TENT4B: variants seen among roughly 807,000 people sequenced by gnomAD.
TENT4B encodes terminal nucleotidyltransferase 4B.
TENT4B carries 10 observed loss-of-function variants against 75.0 expected under a neutral mutation model. The ratio of observed to expected loss-of-function variants is 0.13; its 90% CI spans 0.08 to 0.23. TENT4B has a LOEUF of 0.23. TENT4B is among the 10% of genes least tolerant of loss of function. The pLI, the probability that TENT4B is intolerant of heterozygous loss-of-function variation, is 1.00. For missense variants in TENT4B, 579 were observed against 893.8 expected (o/e 0.65, Z 4.49); for synonymous variants, 350 against 357.7 (o/e 0.98, Z 0.24).
chr16:50,192,336 G>C (rs904692485), intron 1 of TENT4B, among the ~76,000 whole-genome samples: 1 of 152,122 alleles, frequency 6.6e-6, no homozygotes, highest in Admixed American at 6.5e-5. Context: ...GACATGAACT[G>C]GGATGAGATC....
At chr16:50,226,618 C>G (rs1168892181) in intron 10 of TENT4B, among the ~76,000 whole-genome samples, 1 of 151,734 alleles carries the variant, frequency 6.6e-6, no homozygotes, top group Non-Finnish European at 1.5e-5. Context: ...TTAGTAGAGC[C>G]AGGGTTTCAC....
chr16:50,187,688 T>G (rs1194460264), intron 1 of TENT4B, among the ~76,000 whole-genome samples: 1 of 152,194 alleles, frequency 6.6e-6, no homozygotes, highest in Non-Finnish European at 1.5e-5. Context: ...GTGAATGGTC[T>G]TGGTACCCTA....
At chr16:50,163,020 A>G (rs987683026) in intron 1 of TENT4B, among the ~76,000 whole-genome samples, 1 of 152,182 alleles carries the variant, frequency 6.6e-6, no homozygotes, top group Non-Finnish European at 1.5e-5. Flanking sequence ...AATCTATCCT[A>G]GAATAAATTG....
intron 1 of TENT4B, among the ~76,000 whole-genome samples, chr16:50,170,448 C>T (rs965127400): frequency 2.6e-5 from 4 of 152,122 alleles, no homozygotes; most frequent in Non-Finnish European, 4.4e-5. Context: ...CCCAAGATAT[C>T]CCCCAATCAA....
At chr16:50,214,722 T>TA (rs1206388853) in intron 3 of TENT4B, among the ~76,000 whole-genome samples, 2 of 152,156 alleles carry the variant, frequency 1.3e-5, no homozygotes, top group African/African-American at 4.8e-5. Context: ...TGAAGTAGAA[T>TA]ATCACTTCAC....
intron 1 of TENT4B, among the ~76,000 whole-genome samples, chr16:50,206,793 C>G (rs531055113): frequency 5.3e-5 from 8 of 152,020 alleles, no homozygotes; most frequent in Non-Finnish European, 8.8e-5. Context: ...ATGGTTCTTC[C>G]TTTTCCAGCC....
chr16:50,213,559 C>G (rs1444808412), intron 2 of TENT4B, among the ~76,000 whole-genome samples: 2 of 152,118 alleles, frequency 1.3e-5, no homozygotes, highest in Admixed American at 6.5e-5. Flanking sequence ...TTCGAAGACT[C>G]CTGCTTAGAG....
At chr16:50,190,072 T>G (rs898005769) in intron 1 of TENT4B, among the ~76,000 whole-genome samples, 1 of 89,294 alleles carries the variant, frequency 1.1e-5, no homozygotes, top group Non-Finnish European at 2.6e-5. Context: ...TGAGACTCTG[T>G]TTCAAAAAAA....
intron 1 of TENT4B, among the ~76,000 whole-genome samples, chr16:50,174,601 C>G (rs2038267851): frequency 6.6e-6 from 1 of 152,054 alleles, no homozygotes; most frequent in Admixed American, 6.6e-5. Context: ...AAATGTCTAG[C>G]TATTTTGAAA....
chr16:50,170,741 AC>A (rs558807707), intron 1 of TENT4B, among the ~76,000 whole-genome samples: 54 of 151,776 alleles, frequency 3.6e-4, no homozygotes, highest in African/African-American at 1.2e-3. Context: ...ATCTCGGTTC[AC>A]CACAACCTCC....
chr16:50,206,762 G>T (rs998853104), intron 1 of TENT4B, among the ~76,000 whole-genome samples: 1 of 152,060 alleles, frequency 6.6e-6, no homozygotes, highest in South Asian at 2.1e-4. Flanking sequence ...TGCCCAGGGT[G>T]GTCCAGCTGA....
At chr16:50,165,696 C>T (rs893914997) in intron 1 of TENT4B, among the ~76,000 whole-genome samples, 21 of 152,180 alleles carry the variant, frequency 1.4e-4, no homozygotes, top group African/African-American at 5.1e-4. Flanking sequence ...GCCTTTTGTG[C>T]TTGGCTTCTC....
Position 50,230,763 on chromosome 16 carries a change from C to G in TENT4B, c.*1435C>G, listed in dbSNP as rs931523804. On this transcript the variant is annotated 3_prime_UTR_variant, in exon 12 of 12. Coordinates refer to ENST00000561678, the MANE Select transcript of TENT4B (RefSeq NM_001365324.3). ...GAGATGTATAATTCTGTTATCATTA[C>G]CTGTTGAGTTTGAAACTCAGTTGGG... 4.9e-5 allele frequency: 48 copies of G among 985,538 alleles called. No individual in the cohort carries two copies. Among genetic ancestry groups the G allele is most frequent in the Non-Finnish European group, 1.1e-5 (9 of 829,874 alleles). 61.0% of individuals were successfully genotyped at this position (985,538 alleles called of 1,614,324 possible).
Position 50,153,769 on chromosome 16 carries a change from G to GGCAGCAGCA in TENT4B, c.161_169dup (p.Ser54_Ser56dup), listed in dbSNP as rs762925502. 37 of 1,120,256 alleles carry GGCAGCAGCA rather than the reference G, an allele frequency of 3.3e-5. No homozygotes were observed. Among genetic ancestry groups the GGCAGCAGCA allele is most frequent in the East Asian group, 2.6e-4 (5 of 19,016 alleles). 69.4% of individuals were successfully genotyped at this position (1,120,256 alleles called of 1,614,324 possible). On this transcript the variant is annotated inframe_insertion, in exon 1 of 12. Transcript: ENST00000561678. ...CAGCGGCGGCGCGAGCGGCGGCGGC[G>GGCAGCAGCA]GCAGCAGCAGCAGCAGCAGCACGGC...
intron 1 of TENT4B, among the ~76,000 whole-genome samples, chr16:50,164,780 G>C (rs1260134510): frequency 6.6e-6 from 1 of 151,954 alleles, no homozygotes; most frequent in Non-Finnish European, 1.5e-5. Flanking sequence ...TGGCTCACCT[G>C]GGATTAACTG....
intron 10 of TENT4B, among the ~76,000 whole-genome samples, chr16:50,226,430 G>GTTGTT (rs546996930): frequency 1.3e-3 from 192 of 151,510 alleles, no homozygotes; most frequent in Middle Eastern, 0.01. Flanking sequence ...TTTTGTTGTT[G>GTTGTT]TTGTTTTGTT....
chr16:50,228,514 A>G (rs2032154623), intron 11 of TENT4B, among the ~76,000 whole-genome samples: 1 of 152,184 alleles, frequency 6.6e-6, no homozygotes, highest in Admixed American at 6.5e-5. Flanking sequence ...TTAACTGAGT[A>G]ATGACTCAGA....
intron 1 of TENT4B, among the ~76,000 whole-genome samples, chr16:50,176,711 T>G (rs1044269177): frequency 2.2e-4 from 34 of 151,772 alleles, no homozygotes; most frequent in African/African-American, 8.2e-4. Context: ...TTCACCATAT[T>G]GGCCAGGCTG....
chr16:50,199,886 C>G (rs1335030660), intron 1 of TENT4B, among the ~76,000 whole-genome samples: 1 of 152,214 alleles, frequency 6.6e-6, no homozygotes, highest in African/African-American at 2.4e-5. Context: ...GAACCCCTCT[C>G]CTCAGCCTCC....
Sources: gnomAD v4.1 joint callset for allele counts (sites outside exome capture counted in the v4.1 genomes callset) on GRCh38, gnomAD v4.1.1 for gene constraint, MANE v1.5 for transcripts, NCBI Gene and HGNC (gene_info 2026-07-23, HGNC 2026-07-21) for gene names.